Variants in DCDC1 observed in about 807,000 individuals in gnomAD.
DCDC1 encodes doublecortin domain containing 1, also known as doublecortin domain-containing protein 1.
DCDC1 carries 200 observed loss-of-function variants against 178.3 expected under a neutral mutation model. The observed-to-expected ratio is 1.12, with a 90% CI of 1.00 to 1.26. The LOEUF is 1.26. Among genes scored for constraint, DCDC1 ranks in the 50% most tolerant of loss-of-function variants. The probability of loss-of-function intolerance (pLI) is 0.00; values close to 1 mark genes in which losing one functional copy is unlikely to be tolerated. For missense variants in DCDC1, 1,983 were observed against 1,749.2 expected (o/e 1.13, Z -2.38); for synonymous variants, 690 against 604.8 (o/e 1.14, Z -2.07).
At chr11:30,899,714 T>C in intron 33 of DCDC1, 72 bp from the exon 34 acceptor site, 1 of 1,091,862 alleles carries the variant, frequency 9.2e-7, no homozygotes, top group Non-Finnish European at 1.2e-6. Context: ...TATAAAGAAC[T>C]TTCTGCTCAA....
intron 8 of DCDC1, chr11:31,263,041 C>A: frequency 6.2e-7 from 1 of 1,612,372 alleles, no homozygotes; most frequent in Non-Finnish European, 8.5e-7. Context: ...CTCTGGCATC[C>A]ATGAAGTATC....
At chr11:31,322,131 C>T (rs1949398500) in intron 3 of DCDC1, among the ~76,000 whole-genome samples, 1 of 152,110 alleles carries the variant, frequency 6.6e-6, no homozygotes, top group African/African-American at 2.4e-5. Flanking sequence ...ATTTCAGATC[C>T]CACTCTGCAA....
chr11:30,864,833 G>A lies in DCDC1; in HGVS notation c.*540C>T, dbSNP rs911054640. On this transcript the variant is annotated 3_prime_UTR_variant, in exon 39 of 39. Transcript: ENST00000684477. ...TTTCACTGGCATACAAAATGTCTAT[G>A]GCTAACAATGCTCTCGATTATGGTA... 1 of 152,018 alleles carries A rather than the reference G, an allele frequency of 6.6e-6. No individual in the cohort carries two copies. The highest frequency in any genetic ancestry group is 2.4e-5 in the African/African-American group (1 of 41,396). The allele number at this position is 152,018 out of a possible 1,614,324, so 9.4% of individuals were successfully genotyped here.
intron 11 of DCDC1, among the ~76,000 whole-genome samples, chr11:31,118,626 A>AT (rs1414686672): frequency 2.0e-5 from 3 of 152,314 alleles, no homozygotes; most frequent in South Asian, 4.1e-4. Context: ...GTAAAAACAA[A>AT]TTAACTGTTA....
chr11:30,879,239 C>G (rs1220435882), intron 37 of DCDC1, among the ~76,000 whole-genome samples: 1 of 152,122 alleles, frequency 6.6e-6, no homozygotes. Context: ...AACTCCCAGA[C>G]TGCTTTATTT....
In DCDC1 at chr11:31,174,075, C is replaced by G. The variant is rs560417800; in HGVS notation, c.1222-36291G>C. Among the ~76,000 whole-genome samples the G allele has an allele frequency of 4.6e-5, 7 of 152,240 alleles. No homozygotes were observed. In the East Asian group the frequency reaches 7.7e-4, roughly 17 times the overall value. On this transcript the variant is annotated intron_variant, in intron 9 of 38. Transcript: ENST00000684477. ...ACTTCCCCAACGCGGGTGCAGCCAC[C>G]CAGCTGCAGCTGCAGACCCAGGCAT...
At chr11:31,194,356 A>T (rs2048292174) in intron 9 of DCDC1, among the ~76,000 whole-genome samples, 1 of 151,922 alleles carries the variant, frequency 6.6e-6, no homozygotes, top group African/African-American at 2.4e-5. Context: ...TGTTTTAAAT[A>T]GCTGTTACAT....
chr11:30,994,580 G>A (rs992521859), intron 20 of DCDC1, among the ~76,000 whole-genome samples: 19 of 146,756 alleles, frequency 1.3e-4, no homozygotes, highest in Non-Finnish European at 1.9e-4. Flanking sequence ...GGGTAAAAAC[G>A]TCTAGGTGGG....
At chr11:31,269,991 C>G (rs1183928201) in intron 7 of DCDC1, among the ~76,000 whole-genome samples, 1 of 152,140 alleles carries the variant, frequency 6.6e-6, no homozygotes, top group African/African-American at 2.4e-5. Flanking sequence ...CCATCAGACC[C>G]AAAAATGTCA....
At chr11:30,953,226 C>T (rs1019974728) in intron 20 of DCDC1, among the ~76,000 whole-genome samples, 6 of 148,678 alleles carry the variant, frequency 4.0e-5, no homozygotes, top group Non-Finnish European at 7.4e-5. Context: ...TTTAAAATTT[C>T]GACCACATAT....
At chr11:30,902,165 T>A (rs1944728466) in intron 32 of DCDC1, among the ~76,000 whole-genome samples, 1 of 152,132 alleles carries the variant, frequency 6.6e-6, no homozygotes, top group African/African-American at 2.4e-5. Context: ...TGTAATGATA[T>A]TATGAGAGAT....
intron 20 of DCDC1, among the ~76,000 whole-genome samples, chr11:30,978,408 C>T (rs1009378323): frequency 6.6e-6 from 1 of 152,160 alleles, no homozygotes; most frequent in African/African-American, 2.4e-5. Context: ...ATATCTGAAA[C>T]ATAATAAATA....
chr11:31,340,670 T>G (rs1419417353), intron 1 of DCDC1, among the ~76,000 whole-genome samples: 5 of 152,058 alleles, frequency 3.3e-5, no homozygotes, highest in African/African-American at 1.2e-4. Flanking sequence ...TTTAAAGCTT[T>G]TATAGAAAAA....
At chr11:31,021,593 G>A (rs1952883567) in intron 20 of DCDC1, among the ~76,000 whole-genome samples, 1 of 152,138 alleles carries the variant, frequency 6.6e-6, no homozygotes, top group Admixed American at 6.6e-5. Flanking sequence ...TAAGGGGAGT[G>A]ATTTTTTGGT....
At chr11:31,153,593 G>C (rs919298995) in intron 9 of DCDC1, among the ~76,000 whole-genome samples, 5 of 152,034 alleles carry the variant, frequency 3.3e-5, no homozygotes, top group African/African-American at 1.2e-4. Flanking sequence ...GACCAGCCTG[G>C]CCAACATGGT....
At chr11:31,334,498 T>C (rs891819067) in intron 2 of DCDC1, among the ~76,000 whole-genome samples, 6 of 152,238 alleles carry the variant, frequency 3.9e-5, no homozygotes, top group Admixed American at 6.5e-5. Context: ...CTGCTCTAGT[T>C]TCCCTCCATC....
chr11:31,296,551 T>G (rs1947697354), intron 6 of DCDC1, among the ~76,000 whole-genome samples: 1 of 152,184 alleles, frequency 6.6e-6, no homozygotes, highest in Non-Finnish European at 1.5e-5. Context: ...GTTGCTTCAT[T>G]TTTGGGTATC....
intron 20 of DCDC1, among the ~76,000 whole-genome samples, chr11:31,041,668 C>T (rs1210470937): frequency 6.6e-6 from 1 of 152,084 alleles, no homozygotes; most frequent in Non-Finnish European, 1.5e-5. Context: ...CTCACTTAAC[C>T]ATCACAACTA....
chr11:30,892,935 A>G lies in DCDC1; in HGVS notation c.4965T>C (p.Arg1655=), dbSNP rs1467294016. The part of the protein sequence containing the change: ...SKINFPIATK[R]IAVKPSNLYK... ...ACAGGTTGCTCGGCTTGACTGCTAT[A>G]CGTTTGGTTGCAATTGGAAAATTTA... is the stretch of plus-strand genomic sequence containing the variant. The change falls in exon 36 of 39, where the codon CGT becomes CGC. Residue 1655 remains arginine (R), a synonymous_variant. Transcript: ENST00000684477. 8.7e-6 allele frequency: 14 copies of G among 1,613,826 alleles called. No individual in the cohort carries two copies. Among genetic ancestry groups the G allele is most frequent in the Non-Finnish European group, 1.0e-5 (12 of 1,179,858 alleles).
Sources: gnomAD v4.1 joint callset for allele counts (sites outside exome capture counted in the v4.1 genomes callset) on GRCh38, gnomAD v4.1.1 for gene constraint, MANE v1.5 for transcripts, NCBI Gene and HGNC (gene_info 2026-07-23, HGNC 2026-07-21) for gene names.